Variants in FRMPD4 observed in about 807,000 individuals in gnomAD.
FRMPD4 encodes the protein FERM and PDZ domain containing 4.
Under a neutral mutation model 94.1 loss-of-function variants are expected in FRMPD4, and 22 were observed. The observed-to-expected ratio is 0.23, with a 90% CI of 0.17 to 0.33. The LOEUF (loss-of-function observed/expected upper bound fraction) is 0.33. FRMPD4 is among the 10% of genes least tolerant of loss of function. The probability of loss-of-function intolerance (pLI) is 1.00; values close to 1 mark genes in which losing one functional copy is unlikely to be tolerated. For synonymous variants in FRMPD4, 631 were observed against 548.6 expected, an observed-to-expected ratio of 1.15 and a Z score of -2.10; for missense variants, 1,111 against 1,339.9, an observed-to-expected ratio of 0.83 and a Z score of 2.67.
chrX:12,337,502 T>C (rs1235801739), intron 1 of FRMPD4, among the ~76,000 whole-genome samples: 1 of 112,355 alleles, frequency 8.9e-6, no homozygotes, highest in African/African-American at 3.2e-5. Context: ...TAATGAAGTA[T>C]ACTTTTATGA....
intron 1 of FRMPD4, among the ~76,000 whole-genome samples, chrX:12,447,655 T>C (rs1020881539): frequency 8.9e-6 from 1 of 112,035 alleles, no homozygotes; most frequent in Admixed American, 9.5e-5. Context: ...GTTAGTCATT[T>C]TACAGCCTAC....
At chrX:12,075,380 C>T (rs1364057039) in intron 3 of FRMPD4, among the ~76,000 whole-genome samples, 3 of 111,318 alleles carry the variant, frequency 2.7e-5, no homozygotes, top group Non-Finnish European at 5.7e-5. Context: ...AACCTCTGTA[C>T]CTTCTGCTCA....
At chrX:11,967,742 G>A (rs1227406757) in intron 3 of FRMPD4, among the ~76,000 whole-genome samples, 1 of 82,283 alleles carries the variant, frequency 1.2e-5, no homozygotes, top group African/African-American at 4.3e-5. Context: ...AGATGTGTGT[G>A]TGTGTGTGTG....
intron 3 of FRMPD4, among the ~76,000 whole-genome samples, chrX:12,086,500 G>A (rs1265332546): frequency 1.8e-5 from 2 of 111,894 alleles, no homozygotes; most frequent in East Asian, 2.8e-4. Flanking sequence ...GGTCATTAAT[G>A]TTTAATCTAT....
intron 3 of FRMPD4, among the ~76,000 whole-genome samples, chrX:12,016,211 G>C (rs957005056): frequency 3.3e-4 from 37 of 111,502 alleles, no homozygotes; most frequent in African/African-American, 1.1e-3. Context: ...GACACCCCTA[G>C]AGAGAAATGA....
At chrX:12,670,490 G>A (rs933722337) in intron 4 of FRMPD4, among the ~76,000 whole-genome samples, 1 of 112,079 alleles carries the variant, frequency 8.9e-6, no homozygotes, top group African/African-American at 3.2e-5. Flanking sequence ...AAGCAATGGG[G>A]AAAGGATTCC....
intron 1 of FRMPD4, among the ~76,000 whole-genome samples, chrX:12,205,526 C>T (rs192027903): frequency 6.3e-5 from 7 of 111,733 alleles, no homozygotes; most frequent in South Asian, 3.7e-4. Flanking sequence ...CTTGAAAAGA[C>T]GATAGATGGT....
At chrX:12,164,204 A>G (rs1360638874) in intron 1 of FRMPD4, among the ~76,000 whole-genome samples, 1 of 108,981 alleles carries the variant, frequency 9.2e-6, no homozygotes, top group Non-Finnish European at 1.9e-5. Context: ...CACTCCCCCA[A>G]CCCCACAACA....
At chrX:12,101,583 A>T (rs1227330297) in intron 3 of FRMPD4, among the ~76,000 whole-genome samples, 5 of 111,455 alleles carry the variant, frequency 4.5e-5, no homozygotes, top group African/African-American at 6.5e-5. Context: ...ACCCTTTATT[A>T]TCCTGGGGAT....
intron 2 of FRMPD4, among the ~76,000 whole-genome samples, chrX:12,556,848 A>AATTT (rs1168989549): frequency 2.0e-5 from 1 of 50,441 alleles, no homozygotes; most frequent in Non-Finnish European, 5.0e-5. Context: ...AGGGTATACA[A>AATTT]GTTTGTTTGT....
intron 3 of FRMPD4, among the ~76,000 whole-genome samples, chrX:11,930,775 T>C (rs1408138986): frequency 8.9e-6 from 1 of 111,771 alleles, no homozygotes; most frequent in Non-Finnish European, 1.9e-5. Context: ...GGAGGCAATT[T>C]GATAATCTTT....
intron 3 of FRMPD4, among the ~76,000 whole-genome samples, chrX:12,015,388 T>C (rs2054599894): frequency 1.8e-5 from 2 of 111,762 alleles, no homozygotes; most frequent in African/African-American, 6.5e-5. Context: ...TCTTTTGTGA[T>C]CATTTCATCT....
intron 4 of FRMPD4, among the ~76,000 whole-genome samples, chrX:12,633,802 C>T (rs1569376803): frequency 1.8e-5 from 2 of 112,183 alleles, no homozygotes; most frequent in African/African-American, 6.5e-5. Flanking sequence ...ATTTTTATTT[C>T]AACATCTTCA....
rs751477129 is a variant in FRMPD4 at position 12,432,197 on chromosome X, C to T, written c.42-66483C>T. Among the ~76,000 whole-genome samples the T allele has an allele frequency of 2.7e-5, 3 of 112,065 alleles. No individual in the cohort carries two copies. In the South Asian group the frequency reaches 1.1e-3, roughly 42 times the overall value. On this transcript the variant is annotated intron_variant, in intron 1 of 16. Transcript: ENST00000675598. ...CTCAAGTATCATCTTCTCAGAGAGGCCTTCACTGACCACTGTAAAAACTAG... is the reference window on the plus strand; with the variant it reads ...CTCAAGTATCATCTTCTCAGAGAGGTCTTCACTGACCACTGTAAAAACTAG...
At chrX:12,177,666 G>A (rs2056311257) in intron 1 of FRMPD4, among the ~76,000 whole-genome samples, 1 of 112,070 alleles carries the variant, frequency 8.9e-6, no homozygotes, top group Non-Finnish European at 1.9e-5. Context: ...GCTGTCTATG[G>A]TGATTGCCTT....
chrX:12,233,627 G>A (rs1259344930), intron 1 of FRMPD4, among the ~76,000 whole-genome samples: 1 of 111,970 alleles, frequency 8.9e-6, no homozygotes, highest in Non-Finnish European at 1.9e-5. Context: ...TAGTAAAGTT[G>A]CTGAGTGGTC....
At chrX:12,218,272 A>C (rs998739439) in intron 1 of FRMPD4, among the ~76,000 whole-genome samples, 1 of 112,297 alleles carries the variant, frequency 8.9e-6, no homozygotes, top group African/African-American at 3.2e-5. Context: ...AAAGATTTCC[A>C]GTGACTTTCA....
intron 2 of FRMPD4, among the ~76,000 whole-genome samples, chrX:12,592,368 T>G (rs56236583): frequency 0.22 from 24,440 of 111,439 alleles, 2,746 homozygotes; most frequent in Non-Finnish European, 0.34. Context: ...TTTCTCTTAT[T>G]AACCTATCTT....
At position 12,562,591 on chromosome X, in the gene FRMPD4, A is replaced by G. The variant is rs185876004; in HGVS notation, c.159-47130A>G. The stretch of plus-strand genomic sequence containing the variant: ...ATGATTAATTCTTTCATTGTTTTCA[A>G]ATGGTGTTAGTTGAAAGCAGAAAAT... On this transcript the variant is annotated intron_variant, in intron 2 of 16. Coordinates refer to ENST00000675598, the MANE Select transcript of FRMPD4 (RefSeq NM_001368397.1). Among the ~76,000 whole-genome samples, 5 of 112,436 alleles carry G rather than the reference A, an allele frequency of 4.4e-5. No homozygotes were observed. The East Asian group carries it at 1.1e-3, about 25-fold the overall frequency.
Sources: gnomAD v4.1 joint callset for allele counts (sites outside exome capture counted in the v4.1 genomes callset) on GRCh38, gnomAD v4.1.1 for gene constraint, MANE v1.5 for transcripts, NCBI Gene and HGNC (gene_info 2026-07-23, HGNC 2026-07-21) for gene names.